Variants in RIN3 observed in about 807,000 individuals in gnomAD.
The protein encoded by RIN3 is RAB5 interacting protein 3.
RIN3 carries 54 observed loss-of-function variants against 76.3 expected under a neutral mutation model. That is an observed-to-expected ratio of 0.71 (90% CI 0.57 to 0.89). The LOEUF (loss-of-function observed/expected upper bound fraction) is 0.89, where lower values mean the gene tolerates loss of function less well. Ranked by LOEUF, RIN3 falls within the 40% of genes least tolerant of loss-of-function variation. The pLI is 0.00. For missense variants in RIN3, 1,256 were observed against 1,322.1 expected (o/e 0.95, Z 0.78); for synonymous variants, 576 against 564.0 (o/e 1.02, Z -0.30).
intron 1 of RIN3, among the ~76,000 whole-genome samples, chr14:92,526,328 G>A (rs563388864): frequency 3.9e-5 from 6 of 152,206 alleles, no homozygotes; most frequent in Non-Finnish European, 8.8e-5. Context: ...GCGTGGTGGT[G>A]CATGCCTGTA....
In RIN3 at chr14:92,659,481, G is replaced by T. The variant is rs562921208; in HGVS notation, c.2335+12G>T. The T allele has an allele frequency of 1.3e-6, 2 of 1,582,744 alleles. No homozygotes were observed. The highest frequency in any genetic ancestry group is 2.3e-5 in the South Asian group (2 of 85,446). ...CCTCGGCAACCCAGGTCAGTGGGCA[G>T]CCGGGAGGGGTCTGGGTGAGGAGCT... is the stretch of plus-strand genomic sequence containing the variant. On this transcript the variant is annotated intron_variant, in intron 7 of 9. Coordinates refer to ENST00000216487, the MANE Select transcript of RIN3 (RefSeq NM_024832.5).
intron 3 of RIN3, among the ~76,000 whole-genome samples, chr14:92,598,514 A>T (rs1255912265): frequency 6.6e-6 from 1 of 152,278 alleles, no homozygotes; most frequent in South Asian, 2.1e-4. Context: ...AAAGCAATAG[A>T]TAACTGGAAC....
chr14:92,660,185 T>G (rs1887827692), intron 7 of RIN3, among the ~76,000 whole-genome samples: 1 of 152,208 alleles, frequency 6.6e-6, no homozygotes, highest in Admixed American at 6.5e-5. Context: ...TGATTTGACG[T>G]GTAAGTCCAT....
intron 3 of RIN3, among the ~76,000 whole-genome samples, chr14:92,614,929 C>T (rs1234579367): frequency 6.6e-5 from 10 of 150,520 alleles, no homozygotes; most frequent in African/African-American, 1.7e-4. Context: ...CTGCAACCTC[C>T]GCCTCCCGGG....
At chr14:92,545,107 T>TG (rs1491506510) in intron 1 of RIN3, among the ~76,000 whole-genome samples, 1 of 6,580 alleles carries the variant, frequency 1.5e-4, no homozygotes, top group Non-Finnish European at 4.0e-4. Flanking sequence ...CTTTCTGGTG[T>TG]TTTTTTTTTT....
At chr14:92,673,992 G>A (rs191075486) in intron 7 of RIN3, among the ~76,000 whole-genome samples, 31 of 152,326 alleles carry the variant, frequency 2.0e-4, no homozygotes, top group African/African-American at 6.7e-4. Context: ...AGTGTAGTGC[G>A]TTTGTTAACT....
At chr14:92,528,332 T>C (rs1167585856) in intron 1 of RIN3, among the ~76,000 whole-genome samples, 1 of 152,162 alleles carries the variant, frequency 6.6e-6, no homozygotes, top group East Asian at 1.9e-4. Context: ...TACGGTGTGG[T>C]GGTCAGGGCT....
chr14:92,553,031 A>C (rs2140031993), intron 1 of RIN3, among the ~76,000 whole-genome samples: 1 of 147,726 alleles, frequency 6.8e-6, no homozygotes, highest in East Asian at 2.0e-4. Flanking sequence ...GCAGGTAAAA[A>C]AAAAAAAAAA....
At chr14:92,680,958 A>C (rs1264244755) in intron 8 of RIN3, among the ~76,000 whole-genome samples, 36 of 123,628 alleles carry the variant, frequency 2.9e-4, no homozygotes, top group African/African-American at 4.9e-4. Flanking sequence ...TTGTGTTCCC[A>C]CTCCCCCCAC....
intron 3 of RIN3, among the ~76,000 whole-genome samples, chr14:92,596,893 C>T (rs958425919): frequency 3.9e-5 from 6 of 152,206 alleles, no homozygotes; most frequent in African/African-American, 1.4e-4. Flanking sequence ...CGACTCATGT[C>T]AGCTGGTGAC....
chr14:92,606,068 G>A (rs1885515702), intron 3 of RIN3, among the ~76,000 whole-genome samples: 1 of 151,410 alleles, frequency 6.6e-6, no homozygotes, highest in African/African-American at 2.4e-5. Flanking sequence ...CTACTTGGGA[G>A]GCTGCAGTGA....
intron 6 of RIN3, among the ~76,000 whole-genome samples, chr14:92,657,669 C>CA (rs35676570): frequency 0.26 from 40,051 of 152,120 alleles, 6,622 homozygotes; most frequent in East Asian, 0.44. Context: ...TCCCTGCTCC[C>CA]AGGTCAACCC....
chr14:92,662,096 G>C (rs1887909099), intron 7 of RIN3, among the ~76,000 whole-genome samples: 1 of 152,252 alleles, frequency 6.6e-6, no homozygotes, highest in Admixed American at 6.5e-5. Flanking sequence ...CTGGGACCCA[G>C]GGAAAGAGTC....
chr14:92,663,858 T>G (rs945610375), intron 7 of RIN3, among the ~76,000 whole-genome samples: 3 of 152,142 alleles, frequency 2.0e-5, no homozygotes, highest in Non-Finnish European at 2.9e-5. Flanking sequence ...GATACACTTG[T>G]CATGTTGCGA....
intron 1 of RIN3, among the ~76,000 whole-genome samples, chr14:92,535,334 C>CTTTTT (rs5810602): frequency 3.8e-5 from 5 of 130,012 alleles, no homozygotes; most frequent in Non-Finnish European, 6.4e-5. Flanking sequence ...TTCTTTCTTT[C>CTTTTT]TTTTTTTTTT....
chr14:92,595,674 T>C (rs1211434694), intron 3 of RIN3, among the ~76,000 whole-genome samples: 1 of 152,194 alleles, frequency 6.6e-6, no homozygotes, highest in Non-Finnish European at 1.5e-5. Flanking sequence ...TAACTTGCTA[T>C]GTGGCCTTAA....
intron 2 of RIN3, 39 bp downstream of exon 2, chr14:92,555,994 C>A (rs1453026860): frequency 6.4e-7 from 1 of 1,564,504 alleles, no homozygotes; most frequent in African/African-American, 1.3e-5. Flanking sequence ...GCACACACAC[C>A]TGTGAGGAAC....
chr14:92,632,828 G>A (rs1886637796), intron 4 of RIN3, among the ~76,000 whole-genome samples: 1 of 152,240 alleles, frequency 6.6e-6, no homozygotes, highest in South Asian at 2.1e-4. Flanking sequence ...GCAAACGCCT[G>A]GCAGTGGGAA....
intron 1 of RIN3, among the ~76,000 whole-genome samples, chr14:92,530,424 G>A (rs755029895): frequency 1.3e-5 from 2 of 152,180 alleles, no homozygotes; most frequent in Admixed American, 6.5e-5. Context: ...ATAAAAAGCA[G>A]GGATTTTTCA....
Sources: gnomAD v4.1 joint callset for allele counts (sites outside exome capture counted in the v4.1 genomes callset) on GRCh38, gnomAD v4.1.1 for gene constraint, MANE v1.5 for transcripts, NCBI Gene and HGNC (gene_info 2026-07-23, HGNC 2026-07-21) for gene names.